CYP27A1: variants seen among roughly 807,000 people sequenced by gnomAD.
The protein encoded by CYP27A1 is sterol 26-hydroxylase, mitochondrial.
CYP27A1 carries 46 observed loss-of-function variants against 58.2 expected under a neutral mutation model. The ratio of observed to expected loss-of-function variants is 0.79; its 90% CI spans 0.62 to 1.01. CYP27A1 has a LOEUF of 1.01. CYP27A1 is among the 50% of genes least tolerant of loss of function. The pLI is 0.00. For synonymous variants in CYP27A1, 274 were observed against 285.1 expected, an observed-to-expected ratio of 0.96 and a Z score of 0.39; for missense variants, 704 against 687.0, an observed-to-expected ratio of 1.02 and a Z score of -0.28.
chr2:218,783,423 C>G (rs945617622), intron 1 of CYP27A1, among the ~76,000 whole-genome samples: 1 of 151,962 alleles, frequency 6.6e-6, no homozygotes, highest in Non-Finnish European at 1.5e-5. Flanking sequence ...TGACAGAGAC[C>G]GGAAAACCCA....
chr2:218,814,238 A>G (rs1943758272), intron 6 of CYP27A1, 51 bp downstream of exon 6: 1 of 1,612,650 alleles, frequency 6.2e-7, no homozygotes, highest in Non-Finnish European at 8.5e-7. Context: ...GTGGGGAGGG[A>G]ATCAGAGGAG....
At chr2:218,807,775 A>T (rs1241197931) in intron 1 of CYP27A1, among the ~76,000 whole-genome samples, 2 of 143,050 alleles carry the variant, frequency 1.4e-5, no homozygotes, top group African/African-American at 2.6e-5. Flanking sequence ...TGCCCAGCGA[A>T]TTTTTTTTTT....
chr2:218,810,097 G>A (rs542577401), intron 2 of CYP27A1, among the ~76,000 whole-genome samples: 2 of 152,124 alleles, frequency 1.3e-5, no homozygotes, highest in Non-Finnish European at 2.9e-5. Context: ...TGGCCAACAC[G>A]GTGAAACCCC....
At chr2:218,803,912 T>C (rs1291027321) in intron 1 of CYP27A1, among the ~76,000 whole-genome samples, 3 of 151,310 alleles carry the variant, frequency 2.0e-5, no homozygotes, top group Non-Finnish European at 4.4e-5. Context: ...TTTGTATTTT[T>C]AGTAGAGATG....
Position 218,809,442 on chromosome 2 carries a change from C to CTTTTTT in CYP27A1, c.256-118_256-113dup, listed in dbSNP as rs57956133. On this transcript the variant is annotated intron_variant, in intron 1 of 8. Transcript: ENST00000258415. ...TGGTGCCTACATCATACACAATGCC[C>CTTTTTT]TTTTTTTTTTTTTTTTTTTTTTGCC... 1,094 of 370,582 alleles carry CTTTTTT rather than the reference C, an allele frequency of 3.0e-3. 140 individuals are homozygous for CTTTTTT. The African/African-American group carries it at 0.032, about 11-fold the overall frequency. The allele number at this position is 370,582 out of a possible 1,614,324, so 23.0% of individuals were successfully genotyped here.
rs1943725257 is a variant in CYP27A1 at position 218,812,297 on chromosome 2, T to C, written c.522T>C (p.Tyr174=). The C allele has an allele frequency of 6.2e-7, 1 of 1,614,232 alleles. No homozygotes were observed. Among genetic ancestry groups the C allele is most frequent in the Non-Finnish European group, 8.5e-7 (1 of 1,180,024 alleles). ...TGAAGCCAGCGGAAGCAGCGCTCTA[T>C]ACGGATGCTTTCAATGAGGTGATTG... ...RLLKPAEAAL[Y]TDAFNEVIDD... The change falls in exon 3 of 9, where the codon TAT becomes TAC. Residue 174 remains tyrosine (Y), a synonymous_variant. Transcript: ENST00000258415.
Position 218,809,439 on chromosome 2 carries a change from G to GTA in CYP27A1, c.256-138_256-137insTA, listed in dbSNP as rs1559391300. The GTA allele has an allele frequency of 5.5e-4, 364 of 662,810 alleles. 5 individuals are homozygous for GTA. The African/African-American group carries it at 0.011, about 20-fold the overall frequency. The allele number at this position is 662,810 out of a possible 1,614,324, so 41.1% of individuals were successfully genotyped here. ...TCCTGGTGCCTACATCATACACAAT[G>GTA]CCCTTTTTTTTTTTTTTTTTTTTTT... On this transcript the variant is annotated intron_variant, in intron 1 of 8. Transcript: ENST00000258415.
intron 2 of CYP27A1, 101 bp downstream of exon 2, chr2:218,809,868 C>A: frequency 9.6e-7 from 1 of 1,039,184 alleles, no homozygotes; most frequent in Admixed American, 2.5e-5. Flanking sequence ...GAATAGTACC[C>A]TCTGCATCCT....
intron 1 of CYP27A1, among the ~76,000 whole-genome samples, chr2:218,799,742 C>G (rs1943581776): frequency 6.6e-6 from 1 of 151,660 alleles, no homozygotes; most frequent in African/African-American, 2.4e-5. Flanking sequence ...TTAATATATC[C>G]ACAAAATTAC....
intron 1 of CYP27A1, among the ~76,000 whole-genome samples, chr2:218,807,889 G>A (rs1211535252): frequency 6.6e-6 from 1 of 151,816 alleles, no homozygotes; most frequent in Non-Finnish European, 1.5e-5. Context: ...GGATTATAGG[G>A]GTGAGTCACC....
chr2:218,811,933 A>C (rs143411793), intron 2 of CYP27A1, among the ~76,000 whole-genome samples: 1 of 152,156 alleles, frequency 6.6e-6, no homozygotes, highest in Non-Finnish European at 1.5e-5. Context: ...GGAGTTACCC[A>C]CCTAGGGTCC....
chr2:218,807,470 A>G (rs1037931574), intron 1 of CYP27A1, among the ~76,000 whole-genome samples: 9 of 152,190 alleles, frequency 5.9e-5, no homozygotes, highest in African/African-American at 1.9e-4. Flanking sequence ...TTACTGTTTC[A>G]GAAAACATTT....
chr2:218,812,302 A>T lies in CYP27A1; in HGVS notation c.527A>T (p.Asp176Val). Residue 176 changes from aspartate to valine, a missense_variant, in exon 3 of 9, where the codon GAT becomes GTT. Coordinates refer to ENST00000258415, the MANE Select transcript of CYP27A1 (RefSeq NM_000784.4). ...LKPAEAALYT[D>V]AFNEVIDDFM... The stretch of plus-strand genomic sequence containing the variant: ...CCAGCGGAAGCAGCGCTCTATACGG[A>T]TGCTTTCAATGAGGTGATTGATGAC... 6.2e-7 allele frequency: 1 copy of T among 1,614,200 alleles called. No homozygotes were observed. The highest frequency in any genetic ancestry group is 8.5e-7 in the Non-Finnish European group (1 of 1,180,022).
At position 218,812,735 on chromosome 2, in the gene CYP27A1, C is replaced by T; in HGVS notation, c.830C>T (p.Ala277Val). The T allele has an allele frequency of 6.2e-7, 1 of 1,614,172 alleles. No homozygotes were observed. The highest frequency in any genetic ancestry group is 2.2e-5 in the East Asian group (1 of 44,880). Residue 277 changes from alanine to valine, a missense_variant, in exon 4 of 9, where the codon GCC becomes GTC. Coordinates refer to ENST00000258415, the MANE Select transcript of CYP27A1 (RefSeq NM_000784.4). ...AAGCGATACCTGGATGGTTGGAATG[C>T]CATCTTTTCCTTTGGTGAGGACTCC... ...FWKRYLDGWN[A>V]IFSFGKKLID...
chr2:218,811,879 C>T (rs944660158), intron 2 of CYP27A1, among the ~76,000 whole-genome samples: 19 of 152,204 alleles, frequency 1.2e-4, no homozygotes, highest in African/African-American at 4.6e-4. Flanking sequence ...CAGATAGGCA[C>T]TCTTATTATC....
intron 5 of CYP27A1, among the ~76,000 whole-genome samples, chr2:218,813,610 A>T (rs1943747880): frequency 6.6e-6 from 1 of 151,756 alleles, no homozygotes; most frequent in Non-Finnish European, 1.5e-5. Flanking sequence ...TTTAAATTTT[A>T]GTAGAGACGG....
In CYP27A1 at chr2:218,814,718, C is replaced by CA. The variant is rs1387797805; in HGVS notation, c.1438dup (p.Arg480LysfsTer41). On this transcript the variant is annotated frameshift_variant, in exon 8 of 9. Transcript: ENST00000258415. LOFTEE classifies it high-confidence loss of function. ...ATGGGGTCCGGGCCTGCCTGGGCCG[C>CA]AGGATTGCAGAGCTGGAGATGCAGC... The CA allele has an allele frequency of 6.2e-7, 1 of 1,614,022 alleles. No individual in the cohort carries two copies. The highest frequency in any genetic ancestry group is 8.5e-7 in the Non-Finnish European group (1 of 1,180,050).
chr2:218,793,616 AT>A (rs903487758), intron 1 of CYP27A1, among the ~76,000 whole-genome samples: 1 of 152,134 alleles, frequency 6.6e-6, no homozygotes, highest in African/African-American at 2.4e-5. Context: ...ATTAAAACTA[AT>A]TTTAATAAAA....
intron 6 of CYP27A1, 49 bp from the exon 7 acceptor site, chr2:218,814,331 T>C (rs1178224476): frequency 6.3e-7 from 1 of 1,594,704 alleles, no homozygotes; most frequent in Non-Finnish European, 8.6e-7. Context: ...TGGGGCACTT[T>C]GTACCCCCAT....
Sources: allele counts gnomAD v4.1 joint callset (sites outside exome capture counted in the v4.1 genomes callset), GRCh38; gene constraint gnomAD v4.1.1; transcripts MANE v1.5; gene names NCBI Gene and HGNC (gene_info 2026-07-23, HGNC 2026-07-21).